KALRN: variants seen among roughly 807,000 people sequenced by gnomAD.
The protein encoded by KALRN is kalirin RhoGEF kinase.
In KALRN, 70 loss-of-function variants were observed where a neutral mutation model predicts 353.7. The observed-to-expected ratio is 0.20, with a 90% CI of 0.16 to 0.24. KALRN has a LOEUF of 0.24. Among genes scored for constraint, KALRN ranks in the 10% least tolerant of loss-of-function variants. KALRN has a pLI of 1.00. For missense variants in KALRN, 2,791 were observed against 3,756.7 expected, an observed-to-expected ratio of 0.74 and a Z score of 6.72; for synonymous variants, 1,391 against 1,434.8, an observed-to-expected ratio of 0.97 and a Z score of 0.69.
intron 1 of KALRN, among the ~76,000 whole-genome samples, chr3:124,135,195 C>T (rs2065784445): frequency 6.6e-6 from 1 of 152,096 alleles, no homozygotes; most frequent in African/African-American, 2.4e-5. Context: ...ACTACTCAGC[C>T]CTAAAAAGGA....
intron 1 of KALRN, among the ~76,000 whole-genome samples, chr3:124,199,468 G>A (rs2075759389): frequency 6.6e-6 from 1 of 152,180 alleles, no homozygotes; most frequent in African/African-American, 2.4e-5. Flanking sequence ...TGACAAGCTA[G>A]TTTCCTTTTA....
Position 124,264,498 on chromosome 3 carries a change from T to C in KALRN, c.264T>C (p.Ser88=), listed in dbSNP as rs2073279621. Residue 88 remains serine (S), a splice_region_variant and synonymous_variant, in exon 4 of 60, where the codon AGT becomes AGC. Transcript: ENST00000682506. ...KLVTYLASVP[S]EDVCKRGFTV... ...ATACCGACCTCTGACCTCCCCACAG[T>C]GAGGACGTGTGCAAACGTGGCTTCA... is the stretch of plus-strand genomic sequence containing the variant. 1 of 1,613,498 alleles carries C rather than the reference T, an allele frequency of 6.2e-7. No homozygotes were observed. Among genetic ancestry groups the C allele is most frequent in the Non-Finnish European group, 8.5e-7 (1 of 1,179,750 alleles).
At chr3:124,323,395 C>A (rs149306397) in intron 6 of KALRN, among the ~76,000 whole-genome samples, 15 of 152,274 alleles carry the variant, frequency 9.9e-5, no homozygotes, top group African/African-American at 3.6e-4. Flanking sequence ...GCTGTGAGCC[C>A]CTGTGGGCAG....
At chr3:124,239,914 G>T (rs1333456668) in intron 3 of KALRN, among the ~76,000 whole-genome samples, 1 of 152,178 alleles carries the variant, frequency 6.6e-6, no homozygotes, top group Admixed American at 6.5e-5. Context: ...GAGGGATCAG[G>T]TGATGGAAAG....
chr3:124,456,562 C>T (rs376740284), intron 22 of KALRN, 48 bp from the exon 23 acceptor site: 237 of 1,398,508 alleles, frequency 1.7e-4, no homozygotes, highest in Non-Finnish European at 2.3e-4. Flanking sequence ...CAGTGAGTTG[C>T]TTTCCCAAAG....
At chr3:124,235,829 G>A (rs9870514) in intron 3 of KALRN, among the ~76,000 whole-genome samples, 18,755 of 152,210 alleles carry the variant, frequency 0.12, 1,997 homozygotes, top group African/African-American at 0.29. Flanking sequence ...CCTTCGTCTT[G>A]TCTCTGTGCA....
At position 124,334,152 on chromosome 3, in the gene KALRN, C is replaced by A. The variant is rs1228839637; in HGVS notation, c.1417-113C>A. ...TGGCTAGGTGTCTGGGTATGGAATGCCTGAGATTCTCAGAAGGCCTAGTCA... is the reference window on the plus strand; with the variant it reads ...TGGCTAGGTGTCTGGGTATGGAATGACTGAGATTCTCAGAAGGCCTAGTCA... On this transcript the variant is annotated intron_variant, in intron 8 of 59. Coordinates refer to ENST00000682506, the MANE Select transcript of KALRN (RefSeq NM_001388419.1). This position sits in a 1 kb window ranked among gnomAD's most constrained non-coding sequence, Gnocchi z 4.2. 8 of 885,352 alleles carry A rather than the reference C, an allele frequency of 9.0e-6. No individual in the cohort carries two copies. 54.8% of individuals were successfully genotyped at this position (885,352 alleles called of 1,614,324 possible).
intron 6 of KALRN, among the ~76,000 whole-genome samples, chr3:124,315,201 C>T (rs996475294): frequency 6.6e-6 from 1 of 152,140 alleles, no homozygotes; most frequent in African/African-American, 2.4e-5. Flanking sequence ...GTGTTTTAAT[C>T]CCTACTCCTT....
At chr3:124,564,555 T>A (rs1483331483) in intron 34 of KALRN, among the ~76,000 whole-genome samples, 4 of 151,906 alleles carry the variant, frequency 2.6e-5, no homozygotes, top group African/African-American at 9.7e-5. Context: ...CACACACCCA[T>A]AGTTCCAGCT....
At chr3:124,668,693 C>T (rs2085986995) in intron 47 of KALRN, among the ~76,000 whole-genome samples, 1 of 152,328 alleles carries the variant, frequency 6.6e-6, no homozygotes, top group East Asian at 1.9e-4. Flanking sequence ...ACTAAGTGAT[C>T]TCTAGGATTC....
chr3:124,068,243 C>G (rs1042417323), intron 1 of KALRN, among the ~76,000 whole-genome samples: 1 of 152,152 alleles, frequency 6.6e-6, no homozygotes, highest in African/African-American at 2.4e-5. Context: ...AGGAAAGCAC[C>G]CACCTCCATC....
chr3:124,162,604 G>A (rs2070156099), intron 1 of KALRN: 1 of 152,186 alleles, frequency 6.6e-6, no homozygotes, highest in African/African-American at 2.4e-5. Context: ...AGCTGGAATA[G>A]TGCTTTGCCC....
Position 124,719,778 on chromosome 3 carries a change from A to G in KALRN, c.*308A>G, listed in dbSNP as rs566824833. The G allele has an allele frequency of 4.8e-5, 12 of 247,850 alleles. No individual in the cohort carries two copies. The East Asian group carries it at 1.0e-3, about 21-fold the overall frequency. The allele number at this position is 247,850 out of a possible 1,614,324, so 15.4% of individuals were successfully genotyped here. The stretch of plus-strand genomic sequence containing the variant: ...CGAAATTTTAACTGTATCTTCCAAA[A>G]TGAGTGGTTAACTGGGCAAACCTTA... On this transcript the variant is annotated 3_prime_UTR_variant, in exon 60 of 60. Transcript: ENST00000682506. The surrounding 1 kb of genome is among the most constrained non-coding windows in gnomAD (Gnocchi z 5.3).
At chr3:124,393,921 T>C (rs1004677174) in intron 11 of KALRN, among the ~76,000 whole-genome samples, 2 of 152,374 alleles carry the variant, frequency 1.3e-5, no homozygotes. Flanking sequence ...TGTCTCTCTA[T>C]ATTTTTTTAA....
intron 37 of KALRN, among the ~76,000 whole-genome samples, chr3:124,642,806 G>GTTGTTTTGTTGTTGTTGTTTTTTTTTTTT (rs796628603): frequency 1.0e-5 from 1 of 96,840 alleles, no homozygotes; most frequent in Admixed American, 1.3e-4. Flanking sequence ...CCCAAGCCTC[G>GTTGTTTTGTTGTTGTTGTTTTTTTTTTTT]TTTTTTTTTT....
chr3:124,707,474 C>A (rs1347409348), intron 57 of KALRN, among the ~76,000 whole-genome samples: 1 of 150,550 alleles, frequency 6.6e-6, no homozygotes, highest in Non-Finnish European at 1.5e-5. Flanking sequence ...TCCTTCCTTC[C>A]CTTCTTCCTT....
intron 6 of KALRN, among the ~76,000 whole-genome samples, chr3:124,302,849 A>T (rs1027703086): frequency 1.3e-5 from 2 of 152,068 alleles, no homozygotes; most frequent in African/African-American, 2.4e-5. Context: ...ACACCCTGGT[A>T]TCTCTCTGTA....
chr3:124,664,336 T>TGA (rs2085274663), intron 45 of KALRN, among the ~76,000 whole-genome samples: 2 of 60,380 alleles, frequency 3.3e-5, no homozygotes, highest in South Asian at 7.6e-4. Context: ...TACATGTGAG[T>TGA]GTGTGTGTGT....
chr3:124,598,920 C>T (rs1251117469), intron 34 of KALRN, among the ~76,000 whole-genome samples: 1 of 152,178 alleles, frequency 6.6e-6, no homozygotes, highest in African/African-American at 2.4e-5. Flanking sequence ...AAGCAATCTG[C>T]CCACCTCAAC....
Sources: gnomAD v4.1 joint callset for allele counts (sites outside exome capture counted in the v4.1 genomes callset) on GRCh38, gnomAD v4.1.1 for gene constraint, Gnocchi (gnomAD v3.1) non-coding constraint, MANE v1.5 for transcripts, NCBI Gene and HGNC (gene_info 2026-07-23, HGNC 2026-07-21) for gene names.